The following PGPEP1L variants were observed in gnomAD, a reference collection of about 807,000 sequenced individuals.
PGPEP1L encodes the protein pyroglutamyl-peptidase 1-like protein.
A neutral mutation model predicts 6.0 loss-of-function variants in PGPEP1L; 7 were observed. The observed-to-expected ratio is 1.17, with a 90% CI of 0.66 to 2.19. The LOEUF is 2.19. Ranked by LOEUF, PGPEP1L falls within the 30% of genes most tolerant of loss-of-function variation. PGPEP1L has a pLI of 0.00. For missense variants in PGPEP1L, 209 were observed against 192.5 expected, an observed-to-expected ratio of 1.09 and a Z score of -0.51; for synonymous variants, 103 against 83.9, an observed-to-expected ratio of 1.23 and a Z score of -1.24.
chr15:98,989,740 G>C (rs2017794305), intron 2 of PGPEP1L, among the ~76,000 whole-genome samples: 1 of 152,116 alleles, frequency 6.6e-6, no homozygotes, highest in Admixed American at 6.5e-5. Context: ...AGAAAGGTCG[G>C]GTTACCCACA....
chr15:98,989,192 A>G (rs1555471795), intron 2 of PGPEP1L, among the ~76,000 whole-genome samples: 1 of 152,242 alleles, frequency 6.6e-6, no homozygotes, highest in East Asian at 1.9e-4. Flanking sequence ...CCTCTGAGCT[A>G]AAGAAGCATG....
intron 1 of PGPEP1L, among the ~76,000 whole-genome samples, chr15:99,007,015 T>C (rs2018079922): frequency 1.3e-5 from 2 of 152,148 alleles, no homozygotes; most frequent in African/African-American, 2.4e-5. Flanking sequence ...ATTGTCCTCC[T>C]GATATAAAGC....
chr15:98,978,946 T>C (rs946926590), intron 2 of PGPEP1L, among the ~76,000 whole-genome samples: 1 of 151,822 alleles, frequency 6.6e-6, no homozygotes, highest in African/African-American at 2.4e-5. Context: ...GCCAGGATGG[T>C]CTCGATCTCT....
intron 2 of PGPEP1L, among the ~76,000 whole-genome samples, chr15:98,978,567 A>G (rs2017603272): frequency 6.6e-6 from 1 of 152,014 alleles, no homozygotes; most frequent in South Asian, 2.1e-4. Context: ...TTTTCCCCAA[A>G]AAAAACTGTG....
intron 2 of PGPEP1L, among the ~76,000 whole-genome samples, chr15:98,992,333 T>C (rs781214948): frequency 6.6e-6 from 1 of 152,128 alleles, no homozygotes; most frequent in African/African-American, 2.4e-5. Context: ...AAATCATGAG[T>C]GAACTCCCAT....
At chr15:99,001,773 AGTG>A (rs1468183322) in intron 2 of PGPEP1L, among the ~76,000 whole-genome samples, 2 of 152,114 alleles carry the variant, frequency 1.3e-5, no homozygotes, top group African/African-American at 4.8e-5. Flanking sequence ...GCTGGAGTGC[AGTG>A]GTGTGATCTC....
intron 2 of PGPEP1L, among the ~76,000 whole-genome samples, chr15:99,000,782 G>C (rs1425657303): frequency 6.6e-6 from 1 of 152,084 alleles, no homozygotes; most frequent in Non-Finnish European, 1.5e-5. Flanking sequence ...CCAATCAGCA[G>C]GATGTGGGTG....
chr15:98,993,535 G>A (rs187488320), intron 2 of PGPEP1L, among the ~76,000 whole-genome samples: 19 of 151,698 alleles, frequency 1.3e-4, no homozygotes, highest in South Asian at 2.1e-4. Context: ...ACAGTGTAGC[G>A]ATTCCTCAAG....
Position 98,971,157 on chromosome 15 carries a change from T to G in PGPEP1L, c.-140A>C, listed in dbSNP as rs369933981. The G allele has an allele frequency of 1.1e-5, 16 of 1,450,740 alleles. No homozygotes were observed. Among genetic ancestry groups the G allele is most frequent in the Middle Eastern group, 3.9e-4 (2 of 5,154 alleles). The allele number at this position is 1,450,740 out of a possible 1,614,324, so 89.9% of individuals were successfully genotyped here. Reference sequence around the variant, plus strand: ...ATTCCCCAGGCCCAGCTTGGAGAGCTCCTGAGGAAAGCGGCAGGTGGACTT... The same window carrying G: ...ATTCCCCAGGCCCAGCTTGGAGAGCGCCTGAGGAAAGCGGCAGGTGGACTT... On this transcript the variant is annotated splice_region_variant and 5_prime_UTR_variant, in exon 3 of 5. Coordinates refer to ENST00000535714, the MANE Select transcript of PGPEP1L (RefSeq NM_001167902.2).
chr15:98,981,588 G>A (rs1198304326), intron 2 of PGPEP1L, among the ~76,000 whole-genome samples: 1 of 152,042 alleles, frequency 6.6e-6, no homozygotes, highest in Non-Finnish European at 1.5e-5. Context: ...GGAGACTCGA[G>A]GACTTATGAA....
At chr15:98,974,834 C>T (rs1430866556) in intron 2 of PGPEP1L, among the ~76,000 whole-genome samples, 25 of 152,128 alleles carry the variant, frequency 1.6e-4, no homozygotes, top group Non-Finnish European at 1.9e-4. Flanking sequence ...GAGGCGGAGG[C>T]TGCAGTGAGC....
At chr15:98,978,726 ATTTTTT>A (rs57804945) in intron 2 of PGPEP1L, among the ~76,000 whole-genome samples, 33,106 of 84,052 alleles carry the variant, frequency 0.39, 5,167 homozygotes, top group Middle Eastern at 0.52. Context: ...ATATATATAT[ATTTTTT>A]TTTTTTTTTT....
intron 2 of PGPEP1L, among the ~76,000 whole-genome samples, chr15:99,004,019 G>T (rs1343176484): frequency 6.8e-6 from 1 of 147,982 alleles, no homozygotes; most frequent in Non-Finnish European, 1.5e-5. Context: ...AAGATTAAGC[G>T]ACACAACTTT....
rs2018091549 is a variant in PGPEP1L at position 99,007,344 on chromosome 15, G to C, written c.-370+15C>G. ...CCTCCTCTGGTGAGCAGCTCTCCTA[G>C]CTCCTATCACTTACCTAGTTCCGTC... is the stretch of plus-strand genomic sequence containing the variant. On this transcript the variant is annotated intron_variant, in intron 1 of 4. Transcript: ENST00000535714. The C allele has an allele frequency of 6.6e-6, 1 of 152,238 alleles. No individual in the cohort carries two copies. The highest frequency in any genetic ancestry group is 2.4e-5 in the African/African-American group (1 of 41,448). The allele number at this position is 152,238 out of a possible 1,614,324, so 9.4% of individuals were successfully genotyped here.
chr15:98,990,819 C>A (rs976737972), intron 2 of PGPEP1L, among the ~76,000 whole-genome samples: 13 of 152,198 alleles, frequency 8.5e-5, no homozygotes, highest in Non-Finnish European at 1.8e-4. Flanking sequence ...TCACTCAAAA[C>A]CGCACAACTA....
chr15:99,003,077 G>T (rs2151767333), intron 2 of PGPEP1L, among the ~76,000 whole-genome samples: 1 of 151,864 alleles, frequency 6.6e-6, no homozygotes, highest in Non-Finnish European at 1.5e-5. Flanking sequence ...AACAGTTTTG[G>T]ACAGAACGTC....
Position 98,968,697 on chromosome 15 carries a change from T to C in PGPEP1L, c.210A>G (p.Arg70=), listed in dbSNP as rs1267490915. The change falls in exon 5 of 5, where the codon AGA becomes AGG. Residue 70 remains arginine, a splice_region_variant and synonymous_variant. Coordinates refer to ENST00000535714, the MANE Select transcript of PGPEP1L (RefSeq NM_001167902.2). ...VDVIFSRDAG[R]YVCDYTYYLS... Reference sequence around the variant, plus strand: ...GGTAATAGGTATAATCACAGACGTATCTGCAACCACAGGAAATGCCACATT... The same window carrying C: ...GGTAATAGGTATAATCACAGACGTACCTGCAACCACAGGAAATGCCACATT... 2 of 1,560,028 alleles carry C rather than the reference T, an allele frequency of 1.3e-6. No individual in the cohort carries two copies. Among genetic ancestry groups the C allele is most frequent in the South Asian group, 1.2e-5 (1 of 84,612 alleles).
intron 2 of PGPEP1L, among the ~76,000 whole-genome samples, chr15:98,994,918 A>G (rs1555472359): frequency 2.0e-5 from 3 of 152,156 alleles, no homozygotes; most frequent in Non-Finnish European, 4.4e-5. Flanking sequence ...CCTTTGAGAC[A>G]TTTACTCTAA....
chr15:98,996,321 G>T (rs1373369856), intron 2 of PGPEP1L, among the ~76,000 whole-genome samples: 1 of 152,192 alleles, frequency 6.6e-6, no homozygotes, highest in Non-Finnish European at 1.5e-5. Flanking sequence ...GAGTCAGGGT[G>T]CTTGAGACCA....
Sources: allele counts gnomAD v4.1 joint callset (sites outside exome capture counted in the v4.1 genomes callset), GRCh38; gene constraint gnomAD v4.1.1; transcripts MANE v1.5; gene names NCBI Gene and HGNC (gene_info 2026-07-23, HGNC 2026-07-21).